The following LINC00632 variants were observed in gnomAD, a reference collection of about 807,000 sequenced individuals.
LINC00632 encodes the protein long independently transcribed non-coding RNA 632, also known as ALDOA related specific transcript.
exon 5 of LINC00632, among the ~76,000 whole-genome samples, chrX:140,790,777 A>G: frequency 9.0e-6 from 1 of 111,508 alleles, no homozygotes; most frequent in Middle Eastern, 4.8e-3. Context: ...CTCTTACGTG[A>G]ATGATATTGC....
chrX:140,748,894 AAT>A (rs1320194053), intron 3 of LINC00632, among the ~76,000 whole-genome samples: 5 of 106,853 alleles, frequency 4.7e-5, no homozygotes, highest in African/African-American at 1.7e-4. Flanking sequence ...TATAAAATAA[AAT>A]ATATATATTT....
At chrX:140,791,178 G>T (rs888593859) in exon 5 of LINC00632, among the ~76,000 whole-genome samples, 2 of 110,172 alleles carry the variant, frequency 1.8e-5, no homozygotes, top group African/African-American at 6.7e-5. Context: ...TTCTGTTCTT[G>T]ATTGACTTAT....
At chrX:140,762,920 A>G (rs1931626158) in intron 3 of LINC00632, among the ~76,000 whole-genome samples, 1 of 112,126 alleles carries the variant, frequency 8.9e-6, no homozygotes, top group African/African-American at 3.2e-5. Flanking sequence ...TCCCTGGGCT[A>G]ATGTTAAAGA....
chrX:140,768,549 A>G (rs2148399538), intron 3 of LINC00632, among the ~76,000 whole-genome samples: 1 of 100,473 alleles, frequency 1.0e-5, no homozygotes, highest in South Asian at 4.1e-4. Context: ...TATAATATAT[A>G]TACTATATTA....
chrX:140,788,909 ATATATG>A (rs1241561870), exon 5 of LINC00632, among the ~76,000 whole-genome samples: 2 of 2,244 alleles, frequency 8.9e-4, no homozygotes, highest in South Asian at 0.062. Context: ...GTGTATATAT[ATATATG>A]TGTGTGTGTG....
chrX:140,773,296 G>A (rs991504411), exon 4 of LINC00632, among the ~76,000 whole-genome samples: 11 of 112,514 alleles, frequency 9.8e-5, no homozygotes, highest in African/African-American at 3.6e-4. Flanking sequence ...AGGAGCTGCC[G>A]GAGAGTATCC....
chrX:140,724,712 CACAG>C lies in LINC00632; in HGVS notation n.105-9162_105-9159del, dbSNP rs755738790. Among the ~76,000 whole-genome samples the C allele has an allele frequency of 9.0e-3, 961 of 107,125 alleles. 5 individuals are homozygous for C. The highest frequency in any genetic ancestry group is 0.015 in the Non-Finnish European group (754 of 51,487). The allele number at this position is 107,125 out of a possible 115,157, so 93.0% of individuals were successfully genotyped here. On this transcript the variant is annotated intron_variant and non_coding_transcript_variant, in intron 2 of 4. Coordinates refer to ENST00000648200, the Ensembl canonical transcript of LINC00632. ...CACAGACACATCCAGTACACACACA[CACAG>C]ACACATTCCATATACACACACACAT... is the stretch of plus-strand genomic sequence containing the variant.
exon 5 of LINC00632, among the ~76,000 whole-genome samples, chrX:140,785,801 TTCTA>T (rs1056084803): frequency 8.9e-6 from 1 of 112,174 alleles, no homozygotes; most frequent in African/African-American, 3.2e-5. Context: ...AATTTAACTC[TTCTA>T]TCTATTTGAA....
At chrX:140,783,805 A>G in exon 5 of LINC00632, 5 of 1,208,977 alleles carry the variant, frequency 4.1e-6, no homozygotes, top group Non-Finnish European at 5.6e-6. Flanking sequence ...CAGAAAATCC[A>G]TGTCTTCCAG....
At chrX:140,767,416 G>T (rs1171522460) in intron 3 of LINC00632, among the ~76,000 whole-genome samples, 1 of 111,631 alleles carries the variant, frequency 9.0e-6, no homozygotes, top group African/African-American at 3.3e-5. Flanking sequence ...ATTTGAACAT[G>T]ATGCATTAAT....
At chrX:140,748,844 A>T (rs1341592444) in intron 3 of LINC00632, among the ~76,000 whole-genome samples, 6 of 95,960 alleles carry the variant, frequency 6.3e-5, no homozygotes, top group African/African-American at 2.2e-4. Context: ...TGATATATAT[A>T]TTTTATATAT....
intron 3 of LINC00632, among the ~76,000 whole-genome samples, chrX:140,758,964 C>CTTTTT (rs146312064): frequency 2.5e-4 from 20 of 78,950 alleles, no homozygotes; most frequent in African/African-American, 4.3e-4. Flanking sequence ...CTTTTCTTTT[C>CTTTTT]TTTTTTTTTT....
chrX:140,755,183 A>G (rs149630069), intron 3 of LINC00632, among the ~76,000 whole-genome samples: 2,076 of 112,263 alleles, frequency 0.018, 47 homozygotes, highest in African/African-American at 0.062. Context: ...GGTGCTTGAA[A>G]AAGAGGTGCT....
chrX:140,768,668 T>C (rs1161106459), intron 3 of LINC00632, among the ~76,000 whole-genome samples: 1 of 97,261 alleles, frequency 1.0e-5, no homozygotes. Context: ...AATAAATCTA[T>C]AATAAATATA....
chrX:140,718,641 C>G (rs1042767981), intron 2 of LINC00632, among the ~76,000 whole-genome samples: 2 of 111,175 alleles, frequency 1.8e-5, no homozygotes, highest in Non-Finnish European at 3.8e-5. Flanking sequence ...GAACTCCTGA[C>G]CTCAGGTGAT....
At chrX:140,737,737 CTGGTT>C (rs1299129553) in intron 3 of LINC00632, among the ~76,000 whole-genome samples, 1 of 111,619 alleles carries the variant, frequency 9.0e-6, no homozygotes, top group African/African-American at 3.3e-5. Flanking sequence ...CTTTTTGTGC[CTGGTT>C]TATTTTACTT....
chrX:140,713,559 T>C (rs1195501707), intron 2 of LINC00632: 3 of 340,662 alleles, frequency 8.8e-6, no homozygotes, highest in Non-Finnish European at 1.8e-5. Flanking sequence ...GTGTCCGCAG[T>C]ATACAAACTC....
intron 2 of LINC00632, among the ~76,000 whole-genome samples, chrX:140,723,799 C>T (rs1368967060): frequency 1.6e-3 from 1 of 636 alleles, no homozygotes; most frequent in Non-Finnish European, 4.0e-3. Flanking sequence ...CATACATACA[C>T]ACACACATAC....
chrX:140,742,870 AGAG>A (rs1931250946), intron 3 of LINC00632, among the ~76,000 whole-genome samples: 4 of 95,533 alleles, frequency 4.2e-5, no homozygotes, highest in African/African-American at 1.6e-4. Flanking sequence ...AGAGAGAGAG[AGAG>A]AGAGAGGAAG....
Sources: gnomAD v4.1 joint callset for allele counts (sites outside exome capture counted in the v4.1 genomes callset) on GRCh38, gnomAD v4.1.1 for gene constraint, MANE v1.5 for transcripts, NCBI Gene and HGNC (gene_info 2026-07-23, HGNC 2026-07-21) for gene names.